Variants in GABRA1 observed in about 807,000 individuals in gnomAD.
GABRA1 encodes gamma-aminobutyric acid receptor subunit alpha-1.
In GABRA1, 9 loss-of-function variants were observed where a neutral mutation model predicts 48.9. That is an observed-to-expected ratio of 0.18 (90% CI 0.11 to 0.32). The LOEUF (loss-of-function observed/expected upper bound fraction) is 0.32. Among genes scored for constraint, GABRA1 ranks in the 10% least tolerant of loss-of-function variants. GABRA1 has a pLI of 1.00. For synonymous variants in GABRA1, 210 were observed against 198.7 expected (o/e 1.06, Z -0.48); for missense variants, 285 against 553.8 (o/e 0.51, Z 4.87).
intron 4 of GABRA1, among the ~76,000 whole-genome samples, chr5:161,868,663 G>A (rs1372355595): frequency 6.6e-6 from 1 of 152,132 alleles, no homozygotes; most frequent in Non-Finnish European, 1.5e-5. Context: ...CTGGCATGGT[G>A]CTCACAGAGT....
intron 6 of GABRA1, among the ~76,000 whole-genome samples, chr5:161,878,857 T>C (rs1275681757): frequency 6.6e-6 from 1 of 152,138 alleles, no homozygotes; most frequent in Non-Finnish European, 1.5e-5. Context: ...TTTTGGCTAA[T>C]TATCAAAAAA....
chr5:161,863,449 G>T (rs1304855754), intron 3 of GABRA1, among the ~76,000 whole-genome samples: 1 of 151,892 alleles, frequency 6.6e-6, no homozygotes, highest in Non-Finnish European at 1.5e-5. Context: ...CATGGCAAAA[G>T]CAGAAGTGAG....
chr5:161,877,505 A>G lies in GABRA1; in HGVS notation c.559+1863A>G, dbSNP rs180811310. Among the ~76,000 whole-genome samples the G allele has an allele frequency of 3.6e-3, 541 of 152,288 alleles. 5 individuals are homozygous for G. The highest frequency in any genetic ancestry group is 0.012 in the African/African-American group (516 of 41,582). On this transcript the variant is annotated intron_variant, in intron 6 of 9. Transcript: ENST00000393943. The stretch of plus-strand genomic sequence containing the variant: ...AAGATGGCTGCTGTAACTCCAGTCA[A>G]TGCAATTCTGTTTGTGATAGAAGGT...
intron 2 of GABRA1, among the ~76,000 whole-genome samples, chr5:161,853,199 C>T (rs1757518649): frequency 6.6e-6 from 1 of 151,776 alleles, no homozygotes; most frequent in Admixed American, 6.6e-5. Context: ...ATTCAAGGAG[C>T]ATAGATAGCA....
chr5:161,892,909 C>T (rs1336628239), intron 8 of GABRA1, among the ~76,000 whole-genome samples: 2 of 151,446 alleles, frequency 1.3e-5, no homozygotes, highest in Non-Finnish European at 2.9e-5. Flanking sequence ...GAGGCTGAGG[C>T]AGGAGAATGG....
intron 6 of GABRA1, among the ~76,000 whole-genome samples, chr5:161,879,587 G>C (rs1285823519): frequency 6.6e-6 from 1 of 152,026 alleles, no homozygotes; most frequent in African/African-American, 2.4e-5. Context: ...AAAATTTAAG[G>C]AAACAATAGG....
At chr5:161,854,823 A>C (rs1239521249) in intron 3 of GABRA1, among the ~76,000 whole-genome samples, 4 of 151,574 alleles carry the variant, frequency 2.6e-5, no homozygotes, top group African/African-American at 9.7e-5. Context: ...TTTACTTGGT[A>C]TATCAATTAC....
At chr5:161,857,768 A>G (rs1220353977) in intron 3 of GABRA1, among the ~76,000 whole-genome samples, 1 of 151,574 alleles carries the variant, frequency 6.6e-6, no homozygotes, top group Non-Finnish European at 1.5e-5. Context: ...ATCAGTATCC[A>G]GAAAATAAAA....
At chr5:161,854,944 C>T (rs1162443311) in intron 3 of GABRA1, among the ~76,000 whole-genome samples, 2 of 151,346 alleles carry the variant, frequency 1.3e-5, no homozygotes, top group Non-Finnish European at 3.0e-5. Flanking sequence ...TTGAATAACA[C>T]TTGAATAAGA....
intron 8 of GABRA1, among the ~76,000 whole-genome samples, chr5:161,895,184 C>A (rs193121189): frequency 1.3e-5 from 2 of 151,930 alleles, no homozygotes; most frequent in East Asian, 3.9e-4. Flanking sequence ...CAATTTTCCC[C>A]GAATAGTTCA....
chr5:161,892,704 C>A (rs1302494628), intron 8 of GABRA1, among the ~76,000 whole-genome samples: 3 of 147,378 alleles, frequency 2.0e-5, no homozygotes, highest in South Asian at 2.2e-4. Context: ...CAAACAAAAA[C>A]AAACAAAAAA....
chr5:161,877,264 T>C (rs1754400427), intron 6 of GABRA1, among the ~76,000 whole-genome samples: 1 of 152,058 alleles, frequency 6.6e-6, no homozygotes, highest in Non-Finnish European at 1.5e-5. Flanking sequence ...TACTAATAAT[T>C]CCCCCTTTTA....
chr5:161,884,754 T>C (rs1223499982), intron 7 of GABRA1, among the ~76,000 whole-genome samples: 1 of 152,170 alleles, frequency 6.6e-6, no homozygotes, highest in East Asian at 1.9e-4. Flanking sequence ...TGCAGGCATA[T>C]ATGTATGAAG....
At chr5:161,861,168 A>G (rs574678934) in intron 3 of GABRA1, among the ~76,000 whole-genome samples, 44 of 151,854 alleles carry the variant, frequency 2.9e-4, no homozygotes, top group Middle Eastern at 3.4e-3. Context: ...GTGAATGTGA[A>G]ATAGGGTGCC....
At chr5:161,860,976 T>A (rs2113335914) in intron 3 of GABRA1, among the ~76,000 whole-genome samples, 1 of 151,976 alleles carries the variant, frequency 6.6e-6, no homozygotes, top group Non-Finnish European at 1.5e-5. Flanking sequence ...TCCTTTTTTT[T>A]CTGGCAGAAT....
chr5:161,888,477 T>G (rs1205156389), intron 7 of GABRA1, among the ~76,000 whole-genome samples: 2 of 152,108 alleles, frequency 1.3e-5, no homozygotes, highest in African/African-American at 4.8e-5. Flanking sequence ...TCTTCAGATC[T>G]CCAAAAATTA....
At chr5:161,896,212 C>T (rs1242743963) in intron 9 of GABRA1, among the ~76,000 whole-genome samples, 1 of 152,048 alleles carries the variant, frequency 6.6e-6, no homozygotes. Context: ...TTACCAAGTG[C>T]GTTATAATTT....
intron 2 of GABRA1, 40 bp from the exon 3 acceptor site, chr5:161,854,118 G>A (rs764450807): frequency 9.9e-7 from 1 of 1,014,306 alleles, no homozygotes; most frequent in Non-Finnish European, 1.6e-6. Flanking sequence ...TAGTAGAAAT[G>A]TATAATTTAG....
intron 7 of GABRA1, among the ~76,000 whole-genome samples, chr5:161,883,706 A>T (rs955106330): frequency 6.6e-6 from 1 of 152,116 alleles, no homozygotes; most frequent in Non-Finnish European, 1.5e-5. Flanking sequence ...TGATAAAAAA[A>T]ACTTCTTCTG....
Sources: allele counts gnomAD v4.1 joint callset (sites outside exome capture counted in the v4.1 genomes callset), GRCh38; gene constraint gnomAD v4.1.1; transcripts MANE v1.5; gene names NCBI Gene and HGNC (gene_info 2026-07-23, HGNC 2026-07-21).